Variants in SLC4A4 observed in about 807,000 individuals in gnomAD.
SLC4A4 encodes solute carrier family 4 member 4, also known as electrogenic sodium bicarbonate cotransporter 1.
Under a neutral mutation model 111.5 loss-of-function variants are expected in SLC4A4, and 27 were observed. That is an observed-to-expected ratio of 0.24 (90% CI 0.18 to 0.33). SLC4A4 has a LOEUF of 0.33. Ranked by LOEUF, SLC4A4 falls within the 10% of genes least tolerant of loss-of-function variation. The probability of loss-of-function intolerance (pLI) is 1.00; values close to 1 mark genes in which losing one functional copy is unlikely to be tolerated. For missense variants in SLC4A4, 909 were observed against 1,315.5 expected (o/e 0.69, Z 4.78); for synonymous variants, 443 against 463.4 (o/e 0.96, Z 0.57).
chr4:71,213,409 A>AGAAAGCTCTGCTTTCAGGCTGGTGGGCTT (rs1718247227), intron 1 of SLC4A4, among the ~76,000 whole-genome samples: 4 of 152,222 alleles, frequency 2.6e-5, no homozygotes, highest in Admixed American at 2.6e-4. Flanking sequence ...CTAAAACACA[A>AGAAAGCTCTGCTTTCAGGCTGGTGGGCTT]GAAAGCTCTG....
intron 7 of SLC4A4, among the ~76,000 whole-genome samples, chr4:71,423,394 G>A (rs1456479998): frequency 1.3e-5 from 2 of 152,266 alleles, no homozygotes; most frequent in African/African-American, 2.4e-5. Context: ...AATCAATATC[G>A]TGAAAATGGC....
chr4:71,524,005 C>G (rs1733196146), intron 16 of SLC4A4, among the ~76,000 whole-genome samples: 1 of 152,076 alleles, frequency 6.6e-6, no homozygotes, highest in Admixed American at 6.6e-5. Context: ...TGCAGGCATT[C>G]TTGATAGAAA....
intron 3 of SLC4A4, among the ~76,000 whole-genome samples, chr4:71,274,384 G>A (rs905479834): frequency 6.6e-6 from 1 of 152,110 alleles, no homozygotes; most frequent in Admixed American, 6.5e-5. Context: ...AACCTGTGTT[G>A]TTCAGTGGCC....
chr4:71,196,834 CAAAAAAAAAAAAAAAAAAA>C (rs71212000), intron 1 of SLC4A4, among the ~76,000 whole-genome samples: 475 of 20,324 alleles, frequency 0.023, 7 homozygotes, highest in African/African-American at 0.044. Flanking sequence ...ACTCTGTCTC[CAAAAAAAAAAAAAAAAAAA>C]AAAAAAAAAA....
intron 1 of SLC4A4, among the ~76,000 whole-genome samples, chr4:71,224,839 T>C (rs984677264): frequency 6.6e-6 from 1 of 152,184 alleles, no homozygotes; most frequent in Non-Finnish European, 1.5e-5. Context: ...GTGGTTAAAA[T>C]TGTGGACTGC....
chr4:71,367,047 G>A (rs1731401019), intron 6 of SLC4A4, among the ~76,000 whole-genome samples: 1 of 152,204 alleles, frequency 6.6e-6, no homozygotes, highest in Non-Finnish European at 1.5e-5. Context: ...TTGCTGGCGA[G>A]TGCCAGGCTT....
At chr4:71,320,326 C>T (rs1416695382) in intron 3 of SLC4A4, among the ~76,000 whole-genome samples, 1 of 152,036 alleles carries the variant, frequency 6.6e-6, no homozygotes, top group Admixed American at 6.6e-5. Context: ...CTCAAGTCTT[C>T]CTTCTGGTCC....
At chr4:71,295,153 G>A (rs977675467) in intron 3 of SLC4A4, among the ~76,000 whole-genome samples, 2 of 152,170 alleles carry the variant, frequency 1.3e-5, no homozygotes, top group Non-Finnish European at 2.9e-5. Flanking sequence ...GTAGATCATT[G>A]GAGATGGACT....
At chr4:71,517,220 A>G (rs1732486526) in intron 16 of SLC4A4, among the ~76,000 whole-genome samples, 1 of 151,942 alleles carries the variant, frequency 6.6e-6, no homozygotes, top group African/African-American at 2.4e-5. Flanking sequence ...TTGCTCTCCT[A>G]TAACTTGAAT....
intron 3 of SLC4A4, among the ~76,000 whole-genome samples, chr4:71,297,771 A>G (rs1425585239): frequency 1.3e-5 from 2 of 151,954 alleles, no homozygotes; most frequent in African/African-American, 2.4e-5. Flanking sequence ...TATTTTTAGT[A>G]GAGACAGGGT....
intron 1 of SLC4A4, among the ~76,000 whole-genome samples, chr4:71,084,908 G>A (rs1046973366): frequency 2.0e-5 from 3 of 151,926 alleles, no homozygotes; most frequent in Non-Finnish European, 4.4e-5. Context: ...ATAATCCTTT[G>A]GGTATATACC....
At chr4:71,418,432 T>G (rs1249785858) in intron 7 of SLC4A4, among the ~76,000 whole-genome samples, 1 of 152,242 alleles carries the variant, frequency 6.6e-6, no homozygotes, top group African/African-American at 2.4e-5. Context: ...ATTTTGTCTG[T>G]ATTCTTTCAT....
chr4:71,452,865 C>G (rs909137467), intron 11 of SLC4A4, among the ~76,000 whole-genome samples: 2 of 152,090 alleles, frequency 1.3e-5, no homozygotes, highest in Non-Finnish European at 2.9e-5. Flanking sequence ...CACCTTTTTT[C>G]CAGTACTACA....
At chr4:71,360,850 G>A (rs1226093361) in intron 6 of SLC4A4, among the ~76,000 whole-genome samples, 1 of 152,060 alleles carries the variant, frequency 6.6e-6, no homozygotes, top group Admixed American at 6.6e-5. Flanking sequence ...GTTAAAGACG[G>A]GGTTCTTGTC....
chr4:71,486,566 C>A (rs1313653302), intron 14 of SLC4A4, among the ~76,000 whole-genome samples: 2 of 151,458 alleles, frequency 1.3e-5, no homozygotes, highest in African/African-American at 4.8e-5. Flanking sequence ...GGGAAATTTT[C>A]CTGTACATTC....
intron 4 of SLC4A4, 38 bp from the exon 5 acceptor site, chr4:71,349,874 A>T: frequency 2.5e-6 from 4 of 1,608,312 alleles, no homozygotes; most frequent in Non-Finnish European, 3.4e-6. Flanking sequence ...GGAAGTTAGA[A>T]CACTTTTAAT....
intron 5 of SLC4A4, among the ~76,000 whole-genome samples, chr4:71,353,123 A>G (rs1408026206): frequency 6.6e-6 from 1 of 152,236 alleles, no homozygotes; most frequent in Admixed American, 6.5e-5. Context: ...CTTACTACAT[A>G]TAAGAGAGGT....
intron 2 of SLC4A4, among the ~76,000 whole-genome samples, chr4:71,143,753 A>G (rs901738155): frequency 2.0e-5 from 3 of 152,216 alleles, no homozygotes; most frequent in African/African-American, 7.2e-5. Context: ...TCTTTTGAGA[A>G]GTGTCTGTTC....
At chr4:71,356,862 A>T (rs1730329627) in intron 5 of SLC4A4, 146 bp from the exon 6 acceptor site, 2 of 714,176 alleles carry the variant, frequency 2.8e-6, no homozygotes, top group Non-Finnish European at 4.6e-6. Flanking sequence ...CTGTGTCTTT[A>T]TCTTTTACAT....
Sources: gnomAD v4.1 joint callset for allele counts (sites outside exome capture counted in the v4.1 genomes callset) on GRCh38, gnomAD v4.1.1 for gene constraint, MANE v1.5 for transcripts, NCBI Gene and HGNC (gene_info 2026-07-23, HGNC 2026-07-21) for gene names.